Variants in ENTHD1 observed in about 807,000 individuals in gnomAD.
ENTHD1 encodes the protein ENTH domain-containing protein 1.
Under a neutral mutation model 39.1 loss-of-function variants are expected in ENTHD1, and 23 were observed. That is an observed-to-expected ratio of 0.59 (90% CI 0.42 to 0.83). The LOEUF (loss-of-function observed/expected upper bound fraction) is 0.83, where lower values mean the gene tolerates loss of function less well. Ranked by LOEUF, ENTHD1 falls within the 40% of genes least tolerant of loss-of-function variation. The probability of loss-of-function intolerance (pLI) is 0.00; values close to 1 mark genes in which losing one functional copy is unlikely to be tolerated. For missense variants in ENTHD1, 624 were observed against 705.4 expected (o/e 0.88, Z 1.31); for synonymous variants, 230 against 258.2 (o/e 0.89, Z 1.05).
chr22:39,820,772 T>G lies in ENTHD1; in HGVS notation c.832+221A>C. ...CTACTTGTAAAAGAGTTAAAGCTTG[T>G]AGTCAATTTTTGAAACAAACAATGA... On this transcript the variant is annotated intron_variant, in intron 5 of 6. Coordinates refer to ENST00000325157, the MANE Select transcript of ENTHD1 (RefSeq NM_152512.4). 1.3e-5 allele frequency among the ~76,000 whole-genome samples: 2 copies of G among 152,170 alleles called. 1 individual carries two copies. The highest frequency in any genetic ancestry group is 1.3e-4 in the Admixed American group (2 of 15,284).
At chr22:39,890,143 T>A (rs937576429) in intron 1 of ENTHD1, among the ~76,000 whole-genome samples, 1 of 138,528 alleles carries the variant, frequency 7.2e-6, no homozygotes. Context: ...AATAAATAAA[T>A]AAATAAAAAA....
intron 3 of ENTHD1, among the ~76,000 whole-genome samples, chr22:39,858,976 T>C (rs2066118020): frequency 2.0e-5 from 3 of 152,224 alleles, no homozygotes; most frequent in African/African-American, 7.2e-5. Context: ...TGAAAATCTA[T>C]TTAGTGTAGC....
At chr22:39,774,166 T>G (rs545111247) in intron 5 of ENTHD1, among the ~76,000 whole-genome samples, 1 of 152,330 alleles carries the variant, frequency 6.6e-6, no homozygotes, top group South Asian at 2.1e-4. Flanking sequence ...CCTCTTCAGA[T>G]GCCTCCAACG....
At chr22:39,747,113 A>C (rs1370710183) in intron 6 of ENTHD1, among the ~76,000 whole-genome samples, 1 of 151,930 alleles carries the variant, frequency 6.6e-6, no homozygotes, top group African/African-American at 2.4e-5. Flanking sequence ...CAGCCTTCCT[A>C]GTAGCTGAGA....
intron 6 of ENTHD1, among the ~76,000 whole-genome samples, chr22:39,752,018 AT>A (rs1378995096): frequency 6.6e-6 from 1 of 151,926 alleles, no homozygotes; most frequent in African/African-American, 2.4e-5. Flanking sequence ...AAGCATATCT[AT>A]TTCTCTATCT....
intron 2 of ENTHD1, among the ~76,000 whole-genome samples, chr22:39,883,856 A>G (rs1276685341): frequency 1.3e-5 from 1 of 78,708 alleles, no homozygotes; most frequent in Non-Finnish European, 3.0e-5. Context: ...TCTGTCCCAC[A>G]AAAAAAAAAA....
At position 39,765,584 on chromosome 22, in the gene ENTHD1, A is replaced by G. The variant is rs748089667; in HGVS notation, c.858T>C (p.Asn286=). The change falls in exon 6 of 7, where the codon AAT becomes AAC. Residue 286 remains asparagine (N), a synonymous_variant. Transcript: ENST00000325157. The stretch of plus-strand genomic sequence containing the variant: ...TCACATCTCTCTGCCCAGAAGGACT[A>G]TTTTCTGAGAGAGTAGGCACAGCAT... ...GADAVPTLSE[N]SPSGQRDVSL... is the part of the protein sequence containing the mutation. 6.2e-6 allele frequency: 10 copies of G among 1,612,672 alleles called. No homozygotes were observed. In the Admixed American group the frequency reaches 1.0e-4, roughly 16 times the overall value.
chr22:39,795,473 T>C (rs1294604523), intron 5 of ENTHD1, among the ~76,000 whole-genome samples: 1 of 151,976 alleles, frequency 6.6e-6, no homozygotes, highest in Middle Eastern at 3.2e-3. Context: ...TCACCCAGGC[T>C]GGAGTACAGT....
Position 39,846,262 on chromosome 22 carries a change from G to A in ENTHD1, c.593-10304C>T, listed in dbSNP as rs774548137. Among the ~76,000 whole-genome samples the A allele has an allele frequency of 5.3e-5, 8 of 152,252 alleles. No individual in the cohort carries two copies. In the South Asian group the frequency reaches 1.0e-3, roughly 20 times the overall value. ...GTCACCCAGATTAGAGTGCAGTGGC[G>A]TGATCACAGCTCACTGCAGCCTCTA... On this transcript the variant is annotated intron_variant, in intron 3 of 6. Coordinates refer to ENST00000325157, the MANE Select transcript of ENTHD1 (RefSeq NM_152512.4).
intron 6 of ENTHD1, among the ~76,000 whole-genome samples, chr22:39,762,553 G>T (rs1288537156): frequency 6.6e-6 from 1 of 152,066 alleles, no homozygotes; most frequent in Non-Finnish European, 1.5e-5. Context: ...TTGGGCTCAA[G>T]TGATCCTCCT....
At chr22:39,858,145 G>T (rs1368138119) in intron 3 of ENTHD1, among the ~76,000 whole-genome samples, 2 of 152,138 alleles carry the variant, frequency 1.3e-5, no homozygotes, top group Admixed American at 1.3e-4. Context: ...CCTGCCACTG[G>T]TTTATTTACT....
At chr22:39,831,043 A>G (rs2065864566) in intron 4 of ENTHD1, among the ~76,000 whole-genome samples, 1 of 152,222 alleles carries the variant, frequency 6.6e-6, no homozygotes, top group Admixed American at 6.5e-5. Flanking sequence ...GTCAGAGAAA[A>G]TCAGGAGCTC....
intron 5 of ENTHD1, among the ~76,000 whole-genome samples, chr22:39,816,486 C>T (rs560565061): frequency 1.2e-4 from 19 of 152,124 alleles, no homozygotes; most frequent in African/African-American, 4.6e-4. Context: ...AAAAATTAAA[C>T]AGACCAGAAC....
intron 6 of ENTHD1, among the ~76,000 whole-genome samples, chr22:39,763,194 A>G (rs1229244342): frequency 1.3e-5 from 2 of 152,128 alleles, no homozygotes; most frequent in Non-Finnish European, 2.9e-5. Flanking sequence ...AGTGTTTCCC[A>G]TGGCTCCTCC....
chr22:39,778,729 C>A (rs938550390), intron 5 of ENTHD1, among the ~76,000 whole-genome samples: 3 of 152,174 alleles, frequency 2.0e-5, no homozygotes, highest in African/African-American at 4.8e-5. Context: ...GTTCTTACAG[C>A]TCTTTCCTTA....
intron 5 of ENTHD1, among the ~76,000 whole-genome samples, chr22:39,767,460 T>A (rs1357475328): frequency 2.0e-5 from 3 of 152,052 alleles, no homozygotes; most frequent in Admixed American, 6.6e-5. Flanking sequence ...CCCATTTCTA[T>A]GAAAAACAAA....
At chr22:39,822,160 A>C (rs1197940139) in intron 4 of ENTHD1, among the ~76,000 whole-genome samples, 3 of 151,892 alleles carry the variant, frequency 2.0e-5, no homozygotes, top group Non-Finnish European at 4.4e-5. Context: ...AAGGATCCAA[A>C]TCAAGTCTAT....
intron 5 of ENTHD1, among the ~76,000 whole-genome samples, chr22:39,811,306 A>T (rs2065684052): frequency 1.3e-5 from 2 of 152,228 alleles, no homozygotes; most frequent in Non-Finnish European, 2.9e-5. Flanking sequence ...CAAAGCAAAC[A>T]AAAGGCCCTG....
chr22:39,811,533 AAAC>A (rs530120262), intron 5 of ENTHD1, among the ~76,000 whole-genome samples: 233 of 152,342 alleles, frequency 1.5e-3, no homozygotes, highest in African/African-American at 5.3e-3. Flanking sequence ...GCCACCTAAA[AAAC>A]AACACTTGGC....
Sources: gnomAD v4.1 joint callset for allele counts (sites outside exome capture counted in the v4.1 genomes callset) on GRCh38, gnomAD v4.1.1 for gene constraint, MANE v1.5 for transcripts, NCBI Gene and HGNC (gene_info 2026-07-23, HGNC 2026-07-21) for gene names.